The following ANTXR2 variants were observed in gnomAD, a reference collection of about 807,000 sequenced individuals.
The protein encoded by ANTXR2 is anthrax toxin receptor 2.
Under a neutral mutation model 73.7 loss-of-function variants are expected in ANTXR2, and 44 were observed. That is an observed-to-expected ratio of 0.60 (90% CI 0.47 to 0.77). The LOEUF (loss-of-function observed/expected upper bound fraction) is 0.77. Among genes scored for constraint, ANTXR2 ranks in the 30% least tolerant of loss-of-function variants. The probability of loss-of-function intolerance (pLI) is 0.00; values close to 1 mark genes in which losing one functional copy is unlikely to be tolerated. For missense variants in ANTXR2, 604 were observed against 592.5 expected (o/e 1.02, Z -0.20); for synonymous variants, 217 against 205.9 (o/e 1.05, Z -0.46).
Position 79,992,095 on chromosome 4 carries a change from C to T in ANTXR2, c.1042-7232G>A, listed in dbSNP as rs557866110. 1.5e-3 allele frequency among the ~76,000 whole-genome samples: 223 copies of T among 151,996 alleles called. 1 individual carries two copies. The highest frequency in any genetic ancestry group is 3.4e-3 in the Middle Eastern group (1 of 294). ...CCCCTGTAACAATCCTGTACATGTA[C>T]CCCTGAACCTAAAATAAAAATTGAA... On this transcript the variant is annotated intron_variant, in intron 12 of 16. Transcript: ENST00000403729.
Position 80,073,049 on chromosome 4 carries a change from TCTC to T in ANTXR2, c.-492_-490del, listed in dbSNP as rs548852374. 37 of 153,344 alleles carry T rather than the reference TCTC, an allele frequency of 2.4e-4. No individual in the cohort carries two copies. The East Asian group carries it at 5.0e-3, about 21-fold the overall frequency. The allele number at this position is 153,344 out of a possible 1,614,324, so 9.5% of individuals were successfully genotyped here. A position where few individuals can be genotyped will look rare whatever the true frequency, so the allele number is the denominator to read the frequency against. ...AGAACAAACTAGGAGTGGAGACTCTTCTCCTCCGGCGGCCCCAACTCCCTCCGC... is the reference window on the plus strand; with the variant it reads ...AGAACAAACTAGGAGTGGAGACTCTTCTCCGGCGGCCCCAACTCCCTCCGC... On this transcript the variant is annotated 5_prime_UTR_variant, in exon 1 of 17. Coordinates refer to ENST00000403729, the MANE Select transcript of ANTXR2 (RefSeq NM_058172.6).
chr4:79,988,232 TATATATATATATA>T (rs1560947285), intron 12 of ANTXR2, among the ~76,000 whole-genome samples: 1 of 446 alleles, frequency 2.2e-3, no homozygotes, highest in Non-Finnish European at 4.6e-3. Context: ...ATAAATTTTA[TATATATATATATA>T]TATATATATA....
intron 10 of ANTXR2, among the ~76,000 whole-genome samples, chr4:80,028,399 G>A (rs560527616): frequency 3.9e-5 from 6 of 152,130 alleles, no homozygotes; most frequent in African/African-American, 1.4e-4. Context: ...AAATCCACAG[G>A]CCTTAAGTTT....
At chr4:80,010,417 T>C (rs920805695) in intron 11 of ANTXR2, among the ~76,000 whole-genome samples, 6 of 152,228 alleles carry the variant, frequency 3.9e-5, no homozygotes, top group African/African-American at 1.4e-4. Context: ...TGACTGTCCA[T>C]GTACAGAAGG....
chr4:80,011,689 G>A (rs1033664309), intron 11 of ANTXR2, among the ~76,000 whole-genome samples: 6 of 152,142 alleles, frequency 3.9e-5, no homozygotes, highest in South Asian at 2.1e-4. Context: ...ATCTGATTAC[G>A]GGACTGAATT....
chr4:80,031,661 A>G lies in ANTXR2; in HGVS notation c.828T>C (p.Ser276=), dbSNP rs768051896. 1 of 1,530,098 alleles carries G rather than the reference A, an allele frequency of 6.5e-7. No homozygotes were observed. The highest frequency in any genetic ancestry group is 1.4e-5 in the African/African-American group (1 of 70,098). 94.8% of individuals were successfully genotyped at this position (1,530,098 alleles called of 1,614,324 possible). A position where few individuals can be genotyped will look rare whatever the true frequency, so the allele number is the denominator to read the frequency against. Reference sequence around the variant, plus strand: ...TCAGGATAGGTGCAGGACAAAGCATAGAATTAAGCTGTACACTTACTGGTT... The same window carrying G: ...TCAGGATAGGTGCAGGACAAAGCATGGAATTAAGCTGTACACTTACTGGTT... ...SVKPVSVQLN[S]MLCPAPILNK... is the part of the protein sequence containing the mutation. Residue 276 remains serine, a synonymous_variant, in exon 10 of 17, where the codon TCT becomes TCC. Transcript: ENST00000403729.
intron 11 of ANTXR2, among the ~76,000 whole-genome samples, chr4:80,009,713 G>A (rs1252363249): frequency 6.6e-6 from 1 of 151,980 alleles, no homozygotes; most frequent in African/African-American, 2.4e-5. Flanking sequence ...TGGGCGTGGT[G>A]GCGGGCACCT....
intron 7 of ANTXR2, among the ~76,000 whole-genome samples, chr4:80,040,238 A>AAACCTGCAC (rs1219315841): frequency 6.9e-6 from 1 of 144,820 alleles, no homozygotes; most frequent in Admixed American, 6.7e-5. Context: ...CCTAGGTGAC[A>AAACCTGCAC]AACCTGCACA....
chr4:79,901,522 A>G lies in ANTXR2; in HGVS notation c.*5907T>C, dbSNP rs140014122. ...CTACACCCTAGAACAACCATACCCA[A>G]TATTTTTGGCACCACGGACCAGTTT... On this transcript the variant is annotated 3_prime_UTR_variant, in exon 17 of 17. Transcript: ENST00000403729. 23 of 127,854 alleles carry G rather than the reference A, an allele frequency of 1.8e-4. 1 individual carries two copies. The highest frequency in any genetic ancestry group is 6.4e-4 in the African/African-American group (21 of 32,736). The allele number at this position is 127,854 out of a possible 1,614,324, so 7.9% of individuals were successfully genotyped here. A position where few individuals can be genotyped will look rare whatever the true frequency, so the allele number is the denominator to read the frequency against.
rs1213836843 is a variant in ANTXR2 at position 79,907,003 on chromosome 4, T to A, written c.*426A>T. ...GCCTATGGATAAAGATCTTGCCACA[T>A]AAAAACACAAGTGCCATGTTTCCAT... On this transcript the variant is annotated 3_prime_UTR_variant, in exon 17 of 17. Transcript: ENST00000403729. The A allele has an allele frequency of 1.4e-5, 3 of 214,852 alleles. No homozygotes were observed. The highest frequency in any genetic ancestry group is 7.1e-5 in the African/African-American group (3 of 41,992). 13.3% of individuals were successfully genotyped at this position (214,852 alleles called of 1,614,324 possible). A position where few individuals can be genotyped will look rare whatever the true frequency, so the allele number is the denominator to read the frequency against.
chr4:80,066,496 A>G (rs1734501218), intron 3 of ANTXR2, among the ~76,000 whole-genome samples: 2 of 152,254 alleles, frequency 1.3e-5, no homozygotes, highest in Non-Finnish European at 2.9e-5. Flanking sequence ...AGTTGCAAGT[A>G]GTGTTATTAA....
intron 3 of ANTXR2, among the ~76,000 whole-genome samples, chr4:80,067,451 A>C (rs1262295583): frequency 1.3e-5 from 2 of 152,206 alleles, no homozygotes; most frequent in Non-Finnish European, 2.9e-5. Flanking sequence ...GCTATCAATG[A>C]CTGAGAGTTT....
At chr4:80,033,677 CT>C (rs1408604498) in intron 8 of ANTXR2, 107 bp from the exon 9 acceptor site, 1 of 801,652 alleles carries the variant, frequency 1.2e-6, no homozygotes, top group Non-Finnish European at 1.9e-6. Context: ...TTTTTTCATA[CT>C]ATTCAGTTAA....
chr4:79,957,054 A>G (rs186761432), intron 16 of ANTXR2, among the ~76,000 whole-genome samples: 1 of 152,262 alleles, frequency 6.6e-6, no homozygotes, highest in East Asian at 1.9e-4. Flanking sequence ...ATGACCTGCT[A>G]TATCATAATT....
At chr4:80,029,810 C>G (rs1732606775) in intron 10 of ANTXR2, among the ~76,000 whole-genome samples, 1 of 151,390 alleles carries the variant, frequency 6.6e-6, no homozygotes, top group Non-Finnish European at 1.5e-5. Flanking sequence ...AGTGCAGGTG[C>G]AGGAGTGTGC....
chr4:80,002,213 T>C (rs185009747), intron 12 of ANTXR2, among the ~76,000 whole-genome samples: 2 of 151,982 alleles, frequency 1.3e-5, no homozygotes, highest in Non-Finnish European at 2.9e-5. Context: ...AAAACAGAGG[T>C]ATAGATAAAC....
At chr4:80,038,238 C>A (rs1410476600) in intron 7 of ANTXR2, among the ~76,000 whole-genome samples, 2 of 152,132 alleles carry the variant, frequency 1.3e-5, no homozygotes, top group African/African-American at 4.8e-5. Flanking sequence ...TGTTTTCTCT[C>A]TTCTATCAGC....
chr4:80,069,351 G>A, intron 3 of ANTXR2, 85 bp downstream of exon 3: 1 of 1,076,096 alleles, frequency 9.3e-7, no homozygotes, highest in Non-Finnish European at 1.4e-6. Context: ...CCACTGAGAG[G>A]CCTGAATCAC....
intron 3 of ANTXR2, among the ~76,000 whole-genome samples, chr4:80,068,026 T>A (rs1734589485): frequency 6.6e-6 from 1 of 152,050 alleles, no homozygotes. Flanking sequence ...AAAGGAGAAG[T>A]ATCAATGGGA....
Sources: allele counts gnomAD v4.1 joint callset (sites outside exome capture counted in the v4.1 genomes callset), GRCh38; gene constraint gnomAD v4.1.1; transcripts MANE v1.5; gene names NCBI Gene and HGNC (gene_info 2026-07-23, HGNC 2026-07-21).